FRMD3: variants seen among roughly 807,000 people sequenced by gnomAD.
FRMD3 encodes the protein FERM domain containing 3, also known as FERM domain-containing protein 3.
A neutral mutation model predicts 70.2 loss-of-function variants in FRMD3; 33 were observed. The ratio of observed to expected loss-of-function variants is 0.47; its 90% CI spans 0.36 to 0.63. The LOEUF (loss-of-function observed/expected upper bound fraction) is 0.63, where lower values mean the gene tolerates loss of function less well. FRMD3 is among the 20% of genes least tolerant of loss of function. The pLI, the probability that FRMD3 is intolerant of heterozygous loss-of-function variation, is 0.00. For missense variants in FRMD3, 632 were observed against 711.4 expected, an observed-to-expected ratio of 0.89 and a Z score of 1.27; for synonymous variants, 279 against 255.9, an observed-to-expected ratio of 1.09 and a Z score of -0.86.
At chr9:83,466,677 C>G (rs1344095015) in intron 1 of FRMD3, among the ~76,000 whole-genome samples, 2 of 152,154 alleles carry the variant, frequency 1.3e-5, no homozygotes, top group African/African-American at 4.8e-5. Context: ...GAGCTGGAAA[C>G]AGTGCCTGGA....
At chr9:83,337,955 C>T (rs890795081) in intron 5 of FRMD3, among the ~76,000 whole-genome samples, 6 of 152,178 alleles carry the variant, frequency 3.9e-5, no homozygotes, top group African/African-American at 1.4e-4. Context: ...TAAAGGACAT[C>T]AGAGTCAAAG....
At chr9:83,304,183 A>G (rs1835033011) in intron 10 of FRMD3, among the ~76,000 whole-genome samples, 1 of 152,142 alleles carries the variant, frequency 6.6e-6, no homozygotes, top group African/African-American at 2.4e-5. Context: ...ATTACGACTA[A>G]TGCTGCTATG....
chr9:83,284,496 T>C (rs868676006), intron 13 of FRMD3, among the ~76,000 whole-genome samples: 2 of 152,118 alleles, frequency 1.3e-5, no homozygotes, highest in Admixed American at 6.6e-5. Context: ...TAGACCCAGC[T>C]ACTTGGGAGG....
At chr9:83,390,359 C>T (rs1314193947) in intron 1 of FRMD3, among the ~76,000 whole-genome samples, 4 of 152,214 alleles carry the variant, frequency 2.6e-5, no homozygotes, top group South Asian at 2.1e-4. Flanking sequence ...AGTGGCAATG[C>T]TGTGAGTGGT....
chr9:83,272,625 G>A (rs1203790106), intron 13 of FRMD3, among the ~76,000 whole-genome samples: 2 of 95,936 alleles, frequency 2.1e-5, no homozygotes, highest in Non-Finnish European at 4.2e-5. Context: ...AGTGAGGAGC[G>A]CCTCTGCCCG....
intron 1 of FRMD3, among the ~76,000 whole-genome samples, chr9:83,494,994 T>C (rs1828912299): frequency 6.6e-6 from 1 of 152,208 alleles, no homozygotes; most frequent in African/African-American, 2.4e-5. Flanking sequence ...TTAGAAAATA[T>C]ATTTCACCAG....
Position 83,245,540 on chromosome 9 carries a change from AATAAT to A in FRMD3, c.*2373_*2377del. ...AAGAGATGTTAGCTGGAAATGTTAA[AATAAT>A]ATATTTATTACTCCTTAAGATAAAT... On this transcript the variant is annotated 3_prime_UTR_variant, in exon 14 of 14. Transcript: ENST00000304195. 2.1e-6 allele frequency: 2 copies of A among 948,882 alleles called. No individual in the cohort carries two copies. The highest frequency in any genetic ancestry group is 4.9e-5 in the South Asian group (1 of 20,538). The allele number at this position is 948,882 out of a possible 1,614,324, so 58.8% of individuals were successfully genotyped here.
At chr9:83,272,527 C>A (rs546052256) in intron 13 of FRMD3, among the ~76,000 whole-genome samples, 1 of 152,234 alleles carries the variant, frequency 6.6e-6, no homozygotes, top group East Asian at 1.9e-4. Flanking sequence ...CCGGCCGCCA[C>A]CCCCTCTGGG....
intron 5 of FRMD3, among the ~76,000 whole-genome samples, chr9:83,342,384 G>A (rs747577901): frequency 1.3e-5 from 2 of 152,170 alleles, no homozygotes; most frequent in Non-Finnish European, 2.9e-5. Flanking sequence ...ATGGGCCTGC[G>A]CTACCCCTGG....
At chr9:83,244,269 T>C (rs539943618), downstream of FRMD3, among the ~76,000 whole-genome samples, 124 of 152,298 alleles carry the variant, frequency 8.1e-4, no homozygotes, top group African/African-American at 2.9e-3. Flanking sequence ...TGGCCAGTGA[T>C]GATAACATAT....
At chr9:83,512,778 G>A (rs906131283) in intron 1 of FRMD3, among the ~76,000 whole-genome samples, 2 of 152,162 alleles carry the variant, frequency 1.3e-5, no homozygotes, top group Non-Finnish European at 2.9e-5. Context: ...TACACTTCCG[G>A]TGTCTTTCAG....
intron 10 of FRMD3, among the ~76,000 whole-genome samples, chr9:83,308,048 T>C (rs1043556467): frequency 6.6e-6 from 1 of 152,206 alleles, no homozygotes; most frequent in Non-Finnish European, 1.5e-5. Flanking sequence ...GGTCTACTGG[T>C]ACACATCACC....
intron 13 of FRMD3, among the ~76,000 whole-genome samples, chr9:83,260,729 T>C (rs1392255665): frequency 6.6e-6 from 1 of 152,198 alleles, no homozygotes; most frequent in Non-Finnish European, 1.5e-5. Context: ...ACTTTATTAC[T>C]ATACTCTCTA....
At chr9:83,272,713 G>T (rs1012473717) in intron 13 of FRMD3, among the ~76,000 whole-genome samples, 2 of 148,914 alleles carry the variant, frequency 1.3e-5, no homozygotes, top group Admixed American at 6.7e-5. Flanking sequence ...CTTCCCGGCC[G>T]CCATCCCATC....
chr9:83,348,498 G>A (rs1824035838), intron 4 of FRMD3, among the ~76,000 whole-genome samples: 2 of 152,112 alleles, frequency 1.3e-5, no homozygotes, highest in African/African-American at 2.4e-5. Context: ...CTTCTATGGG[G>A]TACATGGTTT....
At chr9:83,567,648 T>C in the FRMD3 span, among the ~76,000 whole-genome samples, 1 of 152,140 alleles carries the variant, frequency 6.6e-6, no homozygotes, top group South Asian at 2.1e-4. Flanking sequence ...CCCTAAATCA[T>C]CTCTCTCAAG....
At chr9:83,349,614 GCAAGA>G in intron 4 of FRMD3, 60 bp downstream of exon 4, 1 of 1,213,258 alleles carries the variant, frequency 8.2e-7, no homozygotes, top group African/African-American at 1.5e-5. Context: ...CATCTAGCCT[GCAAGA>G]CCAAAGAGAT....
chr9:83,342,176 G>A (rs1009202897), intron 5 of FRMD3, among the ~76,000 whole-genome samples: 4 of 151,924 alleles, frequency 2.6e-5, no homozygotes, highest in African/African-American at 7.3e-5. Context: ...ACTGGCCCAG[G>A]GGAACAGAAC....
At chr9:83,570,868 G>T in the FRMD3 span, among the ~76,000 whole-genome samples, 1 of 152,186 alleles carries the variant, frequency 6.6e-6, no homozygotes, top group African/African-American at 2.4e-5. Context: ...GGGTAGCAAA[G>T]GAGGTGGTGA....
Sources: gnomAD v4.1 joint callset for allele counts (sites outside exome capture counted in the v4.1 genomes callset) on GRCh38, gnomAD v4.1.1 for gene constraint, MANE v1.5 for transcripts, NCBI Gene and HGNC (gene_info 2026-07-23, HGNC 2026-07-21) for gene names.